The following UBE2H variants were observed in gnomAD, a reference collection of about 807,000 sequenced individuals.
UBE2H encodes ubiquitin-conjugating enzyme E2 H.
A neutral mutation model predicts 29.0 loss-of-function variants in UBE2H; 3 were observed. That is an observed-to-expected ratio of 0.10 (90% CI 0.05 to 0.27). The LOEUF is 0.27. Ranked by LOEUF, UBE2H falls within the 10% of genes least tolerant of loss-of-function variation. UBE2H has a pLI of 1.00. For missense variants in UBE2H, 68 were observed against 228.2 expected (o/e 0.30, Z 4.52); for synonymous variants, 69 against 82.9 (o/e 0.83, Z 0.91).
intron 1 of UBE2H, among the ~76,000 whole-genome samples, chr7:129,884,330 T>C (rs891349687): frequency 1.4e-5 from 2 of 143,192 alleles, no homozygotes; most frequent in African/African-American, 5.2e-5. Context: ...GGCAGGAGAA[T>C]GGCATGAACA....
intron 3 of UBE2H, among the ~76,000 whole-genome samples, chr7:129,871,995 C>T (rs1441655761): frequency 3.3e-5 from 5 of 152,166 alleles, no homozygotes; most frequent in South Asian, 4.2e-4. Flanking sequence ...TACAGGCACG[C>T]GCCACCATGC....
At chr7:129,875,158 T>C (rs1806121830) in intron 3 of UBE2H, among the ~76,000 whole-genome samples, 1 of 152,208 alleles carries the variant, frequency 6.6e-6, no homozygotes, top group South Asian at 2.1e-4. Flanking sequence ...AAAGCAAACA[T>C]TGTAGACTAT....
Position 129,924,798 on chromosome 7 carries a change from G to T in UBE2H, c.53+27705C>A, listed in dbSNP as rs181461357. On this transcript the variant is annotated intron_variant, in intron 1 of 6. Coordinates refer to ENST00000355621, the MANE Select transcript of UBE2H (RefSeq NM_003344.4). ...GTGAAAGCCCCAAGGTCTCTGAGCC[G>T]CACAGAGCCAAGGACGAAAGCCCTG... Among the ~76,000 whole-genome samples the T allele has an allele frequency of 4.6e-3, 693 of 152,068 alleles. 4 individuals carry two copies. The highest frequency in any genetic ancestry group is 0.014 in the African/African-American group (599 of 41,454).
chr7:129,843,832 G>A (rs1260733532), intron 5 of UBE2H, among the ~76,000 whole-genome samples: 2 of 152,166 alleles, frequency 1.3e-5, no homozygotes, highest in African/African-American at 4.8e-5. Flanking sequence ...CTGCTCAAAA[G>A]GATTAGCAGC....
chr7:129,916,994 A>G (rs1965567), intron 1 of UBE2H, among the ~76,000 whole-genome samples: 9,474 of 148,294 alleles, frequency 0.064, 358 homozygotes, highest in Non-Finnish European at 0.091. Context: ...CCGAGATCAC[A>G]CCACTGCACT....
intron 1 of UBE2H, among the ~76,000 whole-genome samples, chr7:129,941,740 A>T (rs1584800429): frequency 6.6e-6 from 1 of 151,192 alleles, no homozygotes; most frequent in Admixed American, 6.6e-5. Context: ...TCCAGCTTTA[A>T]TTTTTTTTTA....
rs1175852855 is a variant in UBE2H, at chr7:129,921,685, ACT to A, written c.53+30816_53+30817del. 3.2e-5 allele frequency among the ~76,000 whole-genome samples: 4 copies of A among 125,550 alleles called. No individual in the cohort carries two copies. The South Asian group carries it at 7.7e-4, about 24-fold the overall frequency. The allele number at this position is 125,550 out of a possible 152,430, so 82.4% of individuals were successfully genotyped here. On this transcript the variant is annotated intron_variant, in intron 1 of 6. Coordinates refer to ENST00000355621, the MANE Select transcript of UBE2H (RefSeq NM_003344.4). ...CTGCATCTAGCCTGGGCAACAAGAG[ACT>A]CTGTCACAAAAAAAAAAAAAAAAAA...
chr7:129,891,953 CTTTTT>C (rs753851134), intron 1 of UBE2H, among the ~76,000 whole-genome samples: 1 of 127,136 alleles, frequency 7.9e-6, no homozygotes, highest in East Asian at 2.2e-4. Flanking sequence ...CATGCTACAC[CTTTTT>C]TTTTTTTTTT....
chr7:129,845,455 A>G (rs972357210), intron 5 of UBE2H, among the ~76,000 whole-genome samples: 10 of 152,212 alleles, frequency 6.6e-5, no homozygotes, highest in Non-Finnish European at 5.9e-5. Flanking sequence ...CACCTCTAAC[A>G]GCTCGACTCT....
At chr7:129,895,219 T>C (rs1806575543) in intron 1 of UBE2H, among the ~76,000 whole-genome samples, 1 of 152,176 alleles carries the variant, frequency 6.6e-6, no homozygotes, top group Non-Finnish European at 1.5e-5. Context: ...CATTTAGTTA[T>C]GGCTGTCACA....
Position 129,925,219 on chromosome 7 carries a change from G to A in UBE2H, c.53+27284C>T, listed in dbSNP as rs576168625. On this transcript the variant is annotated intron_variant, in intron 1 of 6. Coordinates refer to ENST00000355621, the MANE Select transcript of UBE2H (RefSeq NM_003344.4). ...AAAAATTAGCTGGGCGTAGTGGCGAGCTCCTGTAATCCCAGCTACTCGGGA... is the reference window on the plus strand; with the variant it reads ...AAAAATTAGCTGGGCGTAGTGGCGAACTCCTGTAATCCCAGCTACTCGGGA... Among the ~76,000 whole-genome samples the A allele has an allele frequency of 2.0e-3, 298 of 152,070 alleles. 6 individuals are homozygous for A. The South Asian group carries it at 0.022, about 11-fold the overall frequency.
chr7:129,879,677 A>G (rs562022580), intron 2 of UBE2H, 35 bp from the exon 3 acceptor site: 6 of 1,545,576 alleles, frequency 3.9e-6, no homozygotes, highest in South Asian at 1.2e-5. Flanking sequence ...TCAGAACTAC[A>G]TCTCCAAATT....
chr7:129,839,086 G>C, intron 6 of UBE2H, 121 bp downstream of exon 6: 2 of 1,443,080 alleles, frequency 1.4e-6, no homozygotes, highest in Non-Finnish European at 1.9e-6. Context: ...GCCCACAGCT[G>C]TCTCTTTTTA....
chr7:129,936,806 A>T (rs1387254197), intron 1 of UBE2H, among the ~76,000 whole-genome samples: 3 of 136,722 alleles, frequency 2.2e-5, no homozygotes, highest in African/African-American at 8.5e-5. Flanking sequence ...TCTACTAGGA[A>T]AAAAAAAAAA....
At chr7:129,909,887 C>T (rs1376774737) in intron 1 of UBE2H, among the ~76,000 whole-genome samples, 1 of 151,948 alleles carries the variant, frequency 6.6e-6, no homozygotes, top group Non-Finnish European at 1.5e-5. Flanking sequence ...CACAAGCAAA[C>T]AGCTGATTAT....
intron 3 of UBE2H, among the ~76,000 whole-genome samples, chr7:129,870,977 T>G (rs1014985067): frequency 6.6e-6 from 1 of 152,246 alleles, no homozygotes; most frequent in African/African-American, 2.4e-5. Flanking sequence ...GTTTTTGTTT[T>G]GTTTTGTTTT....
intron 1 of UBE2H, among the ~76,000 whole-genome samples, chr7:129,923,959 G>A (rs1428328321): frequency 6.6e-6 from 1 of 152,170 alleles, no homozygotes; most frequent in African/African-American, 2.4e-5. Context: ...TCTACCATCC[G>A]TAACAACAGC....
chr7:129,861,086 G>T (rs905102767), intron 3 of UBE2H, among the ~76,000 whole-genome samples: 3 of 152,096 alleles, frequency 2.0e-5, no homozygotes, highest in Admixed American at 1.3e-4. Context: ...TTAGCTGAGT[G>T]TGGTGGCGTG....
chr7:129,854,199 C>T (rs1805666061), intron 5 of UBE2H, among the ~76,000 whole-genome samples: 1 of 151,504 alleles, frequency 6.6e-6, no homozygotes, highest in Admixed American at 6.6e-5. Context: ...ATGCCAGAGG[C>T]TTTAACAGTT....
Sources: allele counts gnomAD v4.1 joint callset (sites outside exome capture counted in the v4.1 genomes callset), GRCh38; gene constraint gnomAD v4.1.1; transcripts MANE v1.5; gene names NCBI Gene and HGNC (gene_info 2026-07-23, HGNC 2026-07-21).